Variants in ZFHX3 observed in about 807,000 individuals in gnomAD.
The protein encoded by ZFHX3 is zinc finger homeobox 3.
A neutral mutation model predicts 279.1 loss-of-function variants in ZFHX3; 42 were observed. The observed-to-expected ratio is 0.15, with a 90% CI of 0.12 to 0.19. ZFHX3 has a LOEUF of 0.19. Among genes scored for constraint, ZFHX3 ranks in the 10% least tolerant of loss-of-function variants. ZFHX3 has a pLI of 1.00. For missense variants in ZFHX3, 4,981 were observed against 4,754.0 expected, an observed-to-expected ratio of 1.05 and a Z score of -1.40; for synonymous variants, 2,293 against 1,957.8, an observed-to-expected ratio of 1.17 and a Z score of -4.52.
At chr16:73,507,278 G>A (rs2019343220) in intron 2 of ZFHX3, among the ~76,000 whole-genome samples, 1 of 152,108 alleles carries the variant, frequency 6.6e-6, no homozygotes, top group African/African-American at 2.4e-5. Context: ...GGAATAGACT[G>A]TGCTTACTGT....
At chr16:72,826,450 A>C (rs2036931389) in intron 5 of ZFHX3, among the ~76,000 whole-genome samples, 1 of 152,202 alleles carries the variant, frequency 6.6e-6, no homozygotes, top group African/African-American at 2.4e-5. Context: ...CGTCACATGT[A>C]ATCAGATAGG....
chr16:73,172,591 C>G (rs1165201744), intron 5 of ZFHX3, among the ~76,000 whole-genome samples: 3 of 152,152 alleles, frequency 2.0e-5, no homozygotes, highest in Non-Finnish European at 4.4e-5. Flanking sequence ...GATGGTAGCT[C>G]TATAGAGCGT....
intron 2 of ZFHX3, among the ~76,000 whole-genome samples, chr16:73,557,074 GA>G (rs1016704305): frequency 1.7e-5 from 2 of 117,366 alleles, no homozygotes; most frequent in African/African-American, 6.5e-5. Flanking sequence ...CACCCTGGGG[GA>G]CAGAGCAAGA....
At chr16:73,276,812 C>T (rs1044803789) in intron 4 of ZFHX3, among the ~76,000 whole-genome samples, 1 of 152,060 alleles carries the variant, frequency 6.6e-6, no homozygotes, top group Non-Finnish European at 1.5e-5. Flanking sequence ...GGGAAATAGT[C>T]GATTACATGA....
At chr16:73,642,289 C>T (rs1368452336) in intron 2 of ZFHX3, among the ~76,000 whole-genome samples, 1 of 152,214 alleles carries the variant, frequency 6.6e-6, no homozygotes, top group Non-Finnish European at 1.5e-5. Context: ...GATGGAGCCT[C>T]TCCTCTGCAG....
At chr16:73,298,401 C>T (rs1046357309) in intron 4 of ZFHX3, among the ~76,000 whole-genome samples, 2 of 151,848 alleles carry the variant, frequency 1.3e-5, no homozygotes, top group African/African-American at 4.8e-5. Flanking sequence ...TCAAACCAGT[C>T]TCGAACTCCC....
intron 2 of ZFHX3, among the ~76,000 whole-genome samples, chr16:73,468,715 T>C (rs184954195): frequency 6.7e-4 from 102 of 152,106 alleles, no homozygotes; most frequent in African/African-American, 2.4e-3. Context: ...AAGAAAAAAT[T>C]ATACTACTAT....
chr16:72,879,536 C>T (rs1030175288), intron 4 of ZFHX3, among the ~76,000 whole-genome samples: 2 of 152,194 alleles, frequency 1.3e-5, no homozygotes, highest in Admixed American at 1.3e-4. Flanking sequence ...AGTGATTCTC[C>T]TGCCTCAGCC....
chr16:73,875,148 T>C (rs9934741), intron 1 of ZFHX3, among the ~76,000 whole-genome samples: 7,092 of 152,226 alleles, frequency 0.047, 588 homozygotes, highest in African/African-American at 0.16. Flanking sequence ...TATTTCCAAA[T>C]AACATAAAAT....
In ZFHX3 at chr16:72,974,568, A is replaced by AACACACACACACACACACACAC. The variant is rs59350988; in HGVS notation, c.-49-14396_-49-14375dup. 1.8e-3 allele frequency among the ~76,000 whole-genome samples: 273 copies of AACACACACACACACACACACAC among 148,364 alleles called. 3 individuals carry two copies. Among genetic ancestry groups the AACACACACACACACACACACAC allele is most frequent in the Middle Eastern group, 0.01 (3 of 290 alleles). On this transcript the variant is annotated intron_variant, in intron 1 of 9. Coordinates refer to ENST00000268489, the MANE Select transcript of ZFHX3 (RefSeq NM_006885.4). Reference sequence around the variant, plus strand: ...CCCTTTGGAGGCTCACTGATAGGGCAACACACACACACACACACACACACA... The same window carrying AACACACACACACACACACACAC: ...CCCTTTGGAGGCTCACTGATAGGGCAACACACACACACACACACACACACACACACACACACACACACACACA...
chr16:73,648,470 A>G (rs1172407802), intron 2 of ZFHX3, among the ~76,000 whole-genome samples: 2 of 152,208 alleles, frequency 1.3e-5, no homozygotes, highest in African/African-American at 2.4e-5. Context: ...GCTCACTGCA[A>G]CCTCGGCCTC....
intron 2 of ZFHX3, among the ~76,000 whole-genome samples, chr16:73,479,953 C>T (rs895772020): frequency 2.6e-5 from 4 of 152,284 alleles, no homozygotes; most frequent in Middle Eastern, 3.4e-3. Context: ...TTAAAAGCTC[C>T]GGGTCAACCC....
intron 1 of ZFHX3, among the ~76,000 whole-genome samples, chr16:73,000,671 A>G (rs1283251742): frequency 6.6e-6 from 1 of 152,146 alleles, no homozygotes; most frequent in Non-Finnish European, 1.5e-5. Context: ...GGATGTTTTC[A>G]GCGGCCAAAC....
At position 72,784,692 on chromosome 16, in the gene ZFHX3, A is replaced by C. The variant is rs2035279566; in HGVS notation, c.*2472T>G. On this transcript the variant is annotated 3_prime_UTR_variant, in exon 10 of 10. Coordinates refer to ENST00000268489, the MANE Select transcript of ZFHX3 (RefSeq NM_006885.4). ...TTAAAAGGAAATAGCTTGTTAAAAC[A>C]GTAAATGTTTTGCGTACTTGCTTTT... 6.6e-6 allele frequency: 1 copy of C among 152,608 alleles called. No homozygotes were observed. Among genetic ancestry groups the C allele is most frequent in the South Asian group, 2.1e-4 (1 of 4,834 alleles). 9.5% of individuals were successfully genotyped at this position (152,608 alleles called of 1,614,324 possible).
intron 1 of ZFHX3, among the ~76,000 whole-genome samples, chr16:73,784,703 C>T (rs951777147): frequency 1.3e-5 from 2 of 151,466 alleles, no homozygotes; most frequent in African/African-American, 4.9e-5. Flanking sequence ...GCCAAGATTG[C>T]TCCACTGCAC....
At chr16:72,931,109 G>T (rs1959772331) in intron 3 of ZFHX3, among the ~76,000 whole-genome samples, 1 of 152,044 alleles carries the variant, frequency 6.6e-6, no homozygotes, top group Non-Finnish European at 1.5e-5. Context: ...AGCATGAAAC[G>T]TATGTTGCCA....
chr16:73,473,066 C>T (rs1324598675), intron 2 of ZFHX3, among the ~76,000 whole-genome samples: 1 of 150,426 alleles, frequency 6.6e-6, no homozygotes, highest in East Asian at 2.0e-4. Context: ...ATGGGCTGGG[C>T]ACAGTGGCTC....
At chr16:73,045,313 A>G (rs11641701) in intron 1 of ZFHX3, among the ~76,000 whole-genome samples, 74,613 of 152,162 alleles carry the variant, frequency 0.49, 19,816 homozygotes, top group African/African-American at 0.71. Context: ...TTGGGTCACC[A>G]AAGATGAGCC....
In ZFHX3 at chr16:73,106,774, A is replaced by G. The variant is rs1330531320; in HGVS notation, c.-896-13176T>C. Among the ~76,000 whole-genome samples the G allele has an allele frequency of 2.6e-5, 4 of 152,196 alleles. No individual in the cohort carries two copies. The South Asian group carries it at 8.3e-4, about 31-fold the overall frequency. ...TAATCAAAACATTTGTCAACTATCA[A>G]TTGACAATAATGATGGTGCACCTGT... On this transcript the variant is annotated intron_variant, in intron 7 of 17. Coordinates refer to the ZFHX3 transcript ENST00000641206.
Sources: allele counts gnomAD v4.1 joint callset (sites outside exome capture counted in the v4.1 genomes callset), GRCh38; gene constraint gnomAD v4.1.1; transcripts MANE v1.5; gene names NCBI Gene and HGNC (gene_info 2026-07-23, HGNC 2026-07-21).